The following FEZ1 variants were observed in gnomAD, a reference collection of about 807,000 sequenced individuals.
The protein encoded by FEZ1 is fasciculation and elongation protein zeta 1.
Under a neutral mutation model 49.3 loss-of-function variants are expected in FEZ1, and 20 were observed. That is an observed-to-expected ratio of 0.41 (90% confidence interval 0.29 to 0.59). FEZ1 has a LOEUF of 0.59. Ranked by LOEUF, FEZ1 falls within the 20% of genes least tolerant of loss-of-function variation. FEZ1 has a pLI of 0.36. For missense variants in FEZ1, 413 were observed against 476.0 expected (o/e 0.87, Z 1.23); for synonymous variants, 170 against 180.9 (o/e 0.94, Z 0.48).
chr11:125,447,539 T>C (rs1956909234), intron 9 of FEZ1, among the ~76,000 whole-genome samples: 2 of 152,198 alleles, frequency 1.3e-5, no homozygotes, highest in South Asian at 2.1e-4. Flanking sequence ...AAGAAACTCT[T>C]GGCTGGGCAC....
chr11:125,467,355 T>C (rs996305974), intron 3 of FEZ1, among the ~76,000 whole-genome samples: 1 of 152,228 alleles, frequency 6.6e-6, no homozygotes, highest in Non-Finnish European at 1.5e-5. Context: ...GTCCCTTTTA[T>C]GCTTATGAAC....
Position 125,457,472 on chromosome 11 carries a change from GTATATATACACATATA to G in FEZ1, c.668-1382_668-1367del, listed in dbSNP as rs1565533604. 2.5e-3 allele frequency among the ~76,000 whole-genome samples: 219 copies of G among 85,910 alleles called. 3 individuals carry two copies. Among genetic ancestry groups the G allele is most frequent in the East Asian group, 0.016 (41 of 2,612 alleles). The allele number at this position is 85,910 out of a possible 152,430, so 56.4% of individuals were successfully genotyped here. On this transcript the variant is annotated intron_variant, in intron 5 of 9. Coordinates refer to ENST00000278919, the MANE Select transcript of FEZ1 (RefSeq NM_005103.5). ...TATATGTATATATACACATATATAT[GTATATATACACATATA>G]TGTGTATATATGTATATATATACAC...
At chr11:125,457,488 A>ATG (rs1286563521) in intron 5 of FEZ1, among the ~76,000 whole-genome samples, 328 of 28,034 alleles carry the variant, frequency 0.012, 7 homozygotes, top group African/African-American at 0.038. Flanking sequence ...ATACACATAT[A>ATG]TGTGTATATA....
At chr11:125,481,003 C>T (rs896120868) in intron 3 of FEZ1, among the ~76,000 whole-genome samples, 2 of 150,984 alleles carry the variant, frequency 1.3e-5, no homozygotes, top group Non-Finnish European at 2.9e-5. Flanking sequence ...CGTGCCACTG[C>T]ACTCCAGCCT....
intron 1 of FEZ1, among the ~76,000 whole-genome samples, chr11:125,492,649 A>G (rs931619300): frequency 6.6e-6 from 1 of 152,232 alleles, no homozygotes; most frequent in Non-Finnish European, 1.5e-5. Flanking sequence ...GACTTTGGGC[A>G]AGTTATCAAC....
At chr11:125,457,923 C>T (rs1957035512) in intron 5 of FEZ1, among the ~76,000 whole-genome samples, 2 of 152,170 alleles carry the variant, frequency 1.3e-5, no homozygotes, top group South Asian at 2.1e-4. Flanking sequence ...CCTTATTCTG[C>T]TCTTTGGAGC....
intron 5 of FEZ1, 71 bp from the exon 6 acceptor site, chr11:125,456,177 C>A (rs1011632719): frequency 1.4e-6 from 2 of 1,422,346 alleles, no homozygotes; most frequent in African/African-American, 1.4e-5. Flanking sequence ...GCTCCTGGGG[C>A]CACCACCAAT....
chr11:125,489,783 C>T lies in FEZ1; in HGVS notation c.-6G>A, dbSNP rs1211358764. 4.6e-6 allele frequency: 7 copies of T among 1,526,422 alleles called. No homozygotes were observed. The South Asian group carries it at 9.3e-5, about 20-fold the overall frequency. 94.6% of individuals were successfully genotyped at this position (1,526,422 alleles called of 1,614,324 possible). A position where few individuals can be genotyped will look rare whatever the true frequency, so the allele number is the denominator to read the frequency against. ...CTCACCAGTGGGGCCTCCATTCTTG[C>T]TCAGCAGGAGAACAACAGCGACTTT... On this transcript the variant is annotated 5_prime_UTR_variant, in exon 2 of 10. Transcript: ENST00000278919. This position sits in a 1 kb window ranked among gnomAD's most constrained non-coding sequence, Gnocchi z 4.2.
intron 5 of FEZ1, among the ~76,000 whole-genome samples, chr11:125,457,610 T>G (rs1436497988): frequency 1.3e-5 from 2 of 149,174 alleles, no homozygotes; most frequent in Admixed American, 6.9e-5. Context: ...GAGGAAGAAT[T>G]AATTGATTGA....
intron 1 of FEZ1, among the ~76,000 whole-genome samples, chr11:125,493,786 T>C (rs1281166139): frequency 2.0e-5 from 3 of 152,224 alleles, no homozygotes; most frequent in Admixed American, 6.5e-5. Flanking sequence ...TACACTGCCT[T>C]TAAATTTGTA....
intron 3 of FEZ1, among the ~76,000 whole-genome samples, chr11:125,475,050 A>G (rs1957218353): frequency 6.6e-6 from 1 of 152,174 alleles, no homozygotes; most frequent in Non-Finnish European, 1.5e-5. Flanking sequence ...CAGGTGGATC[A>G]CTTGAGCTCA....
chr11:125,456,089 C>A lies in FEZ1; in HGVS notation c.685G>T (p.Gly229Trp). ...TCCAGCAGCTCGGTCAGCTCAGACC[C>A]AGACATGTGCCTCAGCCCTGCAGGG... Reference protein sequence around the residue: ...WSYEGLRHMSGSELTELLDQV... With the variant: ...WSYEGLRHMSWSELTELLDQV... Residue 229 changes from glycine to tryptophan, a missense_variant, in exon 6 of 10, where the codon GGG (glycine) becomes TGG (tryptophan). Coordinates refer to ENST00000278919, the MANE Select transcript of FEZ1 (RefSeq NM_005103.5). The A allele has an allele frequency of 6.2e-7, 1 of 1,600,166 alleles. No individual in the cohort carries two copies.
intron 9 of FEZ1, among the ~76,000 whole-genome samples, chr11:125,447,849 T>C (rs939437168): frequency 1.3e-5 from 2 of 152,086 alleles, no homozygotes; most frequent in Non-Finnish European, 2.9e-5. Context: ...AAGAAACTCT[T>C]CATTTGTTTT....
intron 4 of FEZ1, among the ~76,000 whole-genome samples, chr11:125,461,295 A>G (rs1957072043): frequency 6.6e-6 from 1 of 152,188 alleles, no homozygotes; most frequent in Non-Finnish European, 1.5e-5. Flanking sequence ...AAAATTAGAT[A>G]TCTGCCAAAA....
intron 2 of FEZ1, among the ~76,000 whole-genome samples, chr11:125,487,532 AT>A (rs1957336476): frequency 6.6e-6 from 1 of 152,318 alleles, no homozygotes; most frequent in African/African-American, 2.4e-5. Flanking sequence ...TTTTTGACTT[AT>A]AAATGTTGAG....
chr11:125,449,441 A>AAAAAAAAAAAAAAAAAGAAG (rs796507357), intron 8 of FEZ1, among the ~76,000 whole-genome samples: 24 of 128,244 alleles, frequency 1.9e-4, no homozygotes, highest in African/African-American at 6.3e-4. Context: ...AAAAAAAAAA[A>AAAAAAAAAAAAAAAAAGAAG]AAGAAGAAGA....
chr11:125,483,477 C>T (rs1184120815), intron 2 of FEZ1, among the ~76,000 whole-genome samples: 1 of 152,102 alleles, frequency 6.6e-6, no homozygotes, highest in Non-Finnish European at 1.5e-5. Context: ...TGGGTGATAC[C>T]CTAATCTCCA....
chr11:125,467,976 T>G (rs1957147813), intron 3 of FEZ1, among the ~76,000 whole-genome samples: 1 of 152,198 alleles, frequency 6.6e-6, no homozygotes, highest in African/African-American at 2.4e-5. Flanking sequence ...AATAGATTGA[T>G]GAATCGAAAG....
In FEZ1 at chr11:125,489,825, A is replaced by T. The variant is rs774186473; in HGVS notation, c.-45-3T>A. 2.0e-6 allele frequency: 3 copies of T among 1,513,542 alleles called. No individual in the cohort carries two copies. In the East Asian group the frequency reaches 6.8e-5, roughly 34 times the overall value. 93.8% of individuals were successfully genotyped at this position (1,513,542 alleles called of 1,614,324 possible). ...AGCGACTTTCAGGATGAGTTTATCT[A>T]AAAGAAATGAACAGCGTAATGTGAG... On this transcript the variant is annotated splice_region_variant and splice_polypyrimidine_tract_variant and intron_variant, in intron 1 of 9. Coordinates refer to ENST00000278919, the MANE Select transcript of FEZ1 (RefSeq NM_005103.5). This position sits in a 1 kb window ranked among gnomAD's most constrained non-coding sequence, Gnocchi z 4.2.
Sources: allele counts gnomAD v4.1 joint callset (sites outside exome capture counted in the v4.1 genomes callset), GRCh38; gene constraint gnomAD v4.1.1; non-coding constraint Gnocchi (gnomAD v3.1); transcripts MANE v1.5; gene names NCBI Gene and HGNC (gene_info 2026-07-23, HGNC 2026-07-21).